The following MAPKAP1 variants were observed in gnomAD, a reference collection of about 807,000 sequenced individuals.
The protein encoded by MAPKAP1 is target of rapamycin complex 2 subunit MAPKAP1.
In MAPKAP1, 20 loss-of-function variants were observed where a neutral mutation model predicts 65.7. The ratio of observed to expected loss-of-function variants is 0.30; its 90% CI spans 0.21 to 0.44. The LOEUF is 0.44. MAPKAP1 is among the 20% of genes least tolerant of loss of function. MAPKAP1 has a pLI of 1.00. For synonymous variants in MAPKAP1, 222 were observed against 244.3 expected (o/e 0.91, Z 0.85); for missense variants, 423 against 648.0 (o/e 0.65, Z 3.77).
At chr9:125,480,091 G>C (rs888500134) in intron 9 of MAPKAP1, among the ~76,000 whole-genome samples, 5 of 152,336 alleles carry the variant, frequency 3.3e-5, no homozygotes, top group Middle Eastern at 3.4e-3. Context: ...AGAATTTCTG[G>C]ATTGCTAGGT....
chr9:125,529,111 T>C (rs927302916), intron 7 of MAPKAP1, among the ~76,000 whole-genome samples: 17 of 148,070 alleles, frequency 1.1e-4, no homozygotes, highest in East Asian at 3.9e-4. Context: ...AAGGTGGAGG[T>C]TGCAGTGGGC....
At chr9:125,490,574 A>C (rs759140339) in intron 8 of MAPKAP1, among the ~76,000 whole-genome samples, 6 of 152,138 alleles carry the variant, frequency 3.9e-5, no homozygotes, top group Non-Finnish European at 7.4e-5. Context: ...ACCAACAAAA[A>C]AACAACAACA....
At chr9:125,603,055 CGTCT>C (rs1382608978) in intron 4 of MAPKAP1, among the ~76,000 whole-genome samples, 5 of 99,102 alleles carry the variant, frequency 5.0e-5, no homozygotes, top group South Asian at 9.3e-4. Flanking sequence ...ACCACACTTG[CGTCT>C]TTCTTTCTTT....
chr9:125,544,310 A>AT (rs543672584), intron 6 of MAPKAP1, among the ~76,000 whole-genome samples: 3,105 of 148,644 alleles, frequency 0.021, 161 homozygotes, highest in East Asian at 0.15. Context: ...ACCTGGCTGT[A>AT]TTTTTTTTTT....
At chr9:125,451,182 G>A (rs1488299214) in intron 10 of MAPKAP1, 1 of 151,948 alleles carries the variant, frequency 6.6e-6, no homozygotes, top group African/African-American at 2.4e-5. Flanking sequence ...CTCATGTATC[G>A]AAAACATTCT....
chr9:125,661,732 G>A (rs1834192187), intron 3 of MAPKAP1, among the ~76,000 whole-genome samples: 1 of 152,092 alleles, frequency 6.6e-6, no homozygotes, highest in African/African-American at 2.4e-5. Flanking sequence ...TTATGTTTCT[G>A]ACTTTGAAGC....
chr9:125,453,724 C>A (rs568745267), intron 10 of MAPKAP1, among the ~76,000 whole-genome samples: 1 of 152,250 alleles, frequency 6.6e-6, no homozygotes, highest in Admixed American at 6.5e-5. Flanking sequence ...ATGCAGTAGT[C>A]TGGAAAATAT....
At chr9:125,652,231 A>C in intron 4 of MAPKAP1, 1 of 1,306,100 alleles carries the variant, frequency 7.7e-7, no homozygotes, top group Non-Finnish European at 1.0e-6. Flanking sequence ...ATTTGTTCAT[A>C]ATTATCCGAC....
chr9:125,514,628 G>T lies in MAPKAP1; in HGVS notation c.959-8211C>A, dbSNP rs74683271. ...CTTAAAAGCAAGCTTGTTCAAGGAG[G>T]AGCTGAGGCTGAGAAGCTTGGCCCA... On this transcript the variant is annotated intron_variant, in intron 7 of 11. Transcript: ENST00000265960. Among the ~76,000 whole-genome samples the T allele has an allele frequency of 3.6e-3, 553 of 152,280 alleles. 1 individual carries two copies. The highest frequency in any genetic ancestry group is 0.013 in the African/African-American group (520 of 41,558).
chr9:125,479,400 G>C (rs1191959661), intron 9 of MAPKAP1, among the ~76,000 whole-genome samples: 2 of 152,026 alleles, frequency 1.3e-5, no homozygotes, highest in Non-Finnish European at 2.9e-5. Context: ...ACCAACACGG[G>C]GAAACCCCGT....
intron 5 of MAPKAP1, among the ~76,000 whole-genome samples, chr9:125,565,039 T>C (rs1415752397): frequency 6.6e-6 from 1 of 152,046 alleles, no homozygotes; most frequent in Non-Finnish European, 1.5e-5. Flanking sequence ...GGATGCAAAA[T>C]AGAGCCTGCT....
chr9:125,651,596 A>T (rs1052827946), intron 4 of MAPKAP1, among the ~76,000 whole-genome samples: 4 of 152,076 alleles, frequency 2.6e-5, no homozygotes, highest in African/African-American at 4.8e-5. Flanking sequence ...AAAGAGAGAG[A>T]CTCTGTCTCA....
intron 1 of MAPKAP1, among the ~76,000 whole-genome samples, chr9:125,677,632 G>T (rs1317468973): frequency 6.6e-6 from 1 of 152,086 alleles, no homozygotes; most frequent in African/African-American, 2.4e-5. Context: ...GCAGGTGGAG[G>T]TTGCAGTGAG....
At chr9:125,504,120 T>C (rs1829070359) in intron 8 of MAPKAP1, among the ~76,000 whole-genome samples, 1 of 152,186 alleles carries the variant, frequency 6.6e-6, no homozygotes, top group Non-Finnish European at 1.5e-5. Flanking sequence ...TATACTGTTA[T>C]ACTACAGACC....
At chr9:125,460,308 GAA>G (rs1053806026) in intron 10 of MAPKAP1, among the ~76,000 whole-genome samples, 2 of 137,492 alleles carry the variant, frequency 1.5e-5, no homozygotes, top group Non-Finnish European at 1.6e-5. Flanking sequence ...TCTCCCAGGA[GAA>G]AAAAAAAAAA....
intron 1 of MAPKAP1, among the ~76,000 whole-genome samples, chr9:125,683,255 G>A (rs1328565548): frequency 6.6e-6 from 1 of 152,110 alleles, no homozygotes; most frequent in African/African-American, 2.4e-5. Flanking sequence ...ACTGCGCCTG[G>A]CTTAAATTCT....
intron 4 of MAPKAP1, 133 bp from the exon 5 acceptor site, chr9:125,585,860 C>A: frequency 6.4e-6 from 5 of 778,334 alleles, no homozygotes; most frequent in East Asian, 2.7e-5. Context: ...TGGAATGGTC[C>A]CAAAGTGGAA....
intron 1 of MAPKAP1, among the ~76,000 whole-genome samples, chr9:125,698,491 G>C (rs1048822345): frequency 6.0e-5 from 9 of 150,546 alleles, no homozygotes; most frequent in African/African-American, 2.2e-4. Context: ...GCGTGTGTGT[G>C]CCACCACGCC....
intron 4 of MAPKAP1, among the ~76,000 whole-genome samples, chr9:125,624,642 G>A (rs1165413044): frequency 1.4e-5 from 1 of 69,732 alleles, no homozygotes; most frequent in Non-Finnish European, 3.1e-5. Flanking sequence ...TGCCCGGCCA[G>A]CCGCCCCGTC....
Sources: allele counts gnomAD v4.1 joint callset (sites outside exome capture counted in the v4.1 genomes callset), GRCh38; gene constraint gnomAD v4.1.1; transcripts MANE v1.5; gene names NCBI Gene and HGNC (gene_info 2026-07-23, HGNC 2026-07-21).